DIP2C: variants seen among roughly 807,000 people sequenced by gnomAD.
DIP2C encodes DIP2 acetate--CoA ligase C (putative).
A neutral mutation model predicts 192.4 loss-of-function variants in DIP2C; 33 were observed. The observed-to-expected ratio is 0.17, with a 90% CI of 0.13 to 0.23. The LOEUF (loss-of-function observed/expected upper bound fraction) is 0.23, where lower values mean the gene tolerates loss of function less well. Among genes scored for constraint, DIP2C ranks in the 10% least tolerant of loss-of-function variants. The pLI is 1.00. For missense variants in DIP2C, 1,537 were observed against 2,110.1 expected, an observed-to-expected ratio of 0.73 and a Z score of 5.32; for synonymous variants, 979 against 864.1, an observed-to-expected ratio of 1.13 and a Z score of -2.33.
chr10:672,412 C>T (rs1332120298), intron 1 of DIP2C, among the ~76,000 whole-genome samples: 2 of 152,258 alleles, frequency 1.3e-5, no homozygotes, highest in South Asian at 2.1e-4. Context: ...TCCACTCCCA[C>T]TAGGGACTCC....
At chr10:576,031 G>T (rs1850127787) in intron 1 of DIP2C, among the ~76,000 whole-genome samples, 2 of 152,180 alleles carry the variant, frequency 1.3e-5, no homozygotes, top group Non-Finnish European at 2.9e-5. Flanking sequence ...CACACCTGTT[G>T]CCATCCAGCA....
intron 24 of DIP2C, among the ~76,000 whole-genome samples, chr10:354,207 T>G (rs1385500945): frequency 6.6e-6 from 1 of 152,236 alleles, no homozygotes; most frequent in Non-Finnish European, 1.5e-5. Context: ...AAATCACTCA[T>G]GGCTCTGATC....
intron 1 of DIP2C, among the ~76,000 whole-genome samples, chr10:547,045 G>A (rs569243914): frequency 1.1e-3 from 168 of 152,266 alleles, no homozygotes; most frequent in African/African-American, 3.1e-3. Flanking sequence ...GGTTCTGCAG[G>A]TTCATGGGAG....
At chr10:423,540 C>CCA (rs1966355294) in intron 4 of DIP2C, among the ~76,000 whole-genome samples, 1 of 151,964 alleles carries the variant, frequency 6.6e-6, no homozygotes, top group South Asian at 2.1e-4. Context: ...TGTTAGACAC[C>CCA]CATGCAGCTG....
chr10:537,581 C>A (rs953231378), intron 1 of DIP2C, among the ~76,000 whole-genome samples: 23 of 151,726 alleles, frequency 1.5e-4, no homozygotes, highest in Non-Finnish European at 3.1e-4. Context: ...CTCCCCCGCA[C>A]ACTTGTGCCC....
intron 28 of DIP2C, among the ~76,000 whole-genome samples, chr10:344,344 G>A (rs965307549): frequency 6.7e-5 from 10 of 150,156 alleles, no homozygotes; most frequent in Non-Finnish European, 1.3e-4. Flanking sequence ...ACCCACAGAT[G>A]GGGGCAGACG....
At position 327,181 on chromosome 10, in the gene DIP2C, AGAT is replaced by A. The variant is rs2132443751; in HGVS notation, c.3754-8_3754-6del. The A allele has an allele frequency of 1.2e-6, 2 of 1,612,150 alleles. No individual in the cohort carries two copies. Among genetic ancestry groups the A allele is most frequent in the East Asian group, 2.2e-5 (1 of 44,864 alleles). ...GGACAAGTCCAGCCCTCGCGCCTGGAGATGATGACAGAGAAACCGAGTCAGCCC... is the reference window on the plus strand; with the variant it reads ...GGACAAGTCCAGCCCTCGCGCCTGGAGATGACAGAGAAACCGAGTCAGCCC... On this transcript the variant is annotated splice_region_variant and splice_polypyrimidine_tract_variant and intron_variant, in intron 30 of 36. Transcript: ENST00000280886.
intron 22 of DIP2C, among the ~76,000 whole-genome samples, chr10:361,432 C>T (rs1026302433): frequency 6.6e-5 from 10 of 152,130 alleles, no homozygotes; most frequent in African/African-American, 1.9e-4. Context: ...CTGGGCTTCT[C>T]GACATTTGGC....
intron 31 of DIP2C, among the ~76,000 whole-genome samples, chr10:312,468 C>T (rs775167441): frequency 3.3e-5 from 5 of 152,128 alleles, no homozygotes; most frequent in Admixed American, 1.3e-4. Context: ...AACCCCATGA[C>T]GGCAACAGGC....
intron 1 of DIP2C, among the ~76,000 whole-genome samples, chr10:493,938 C>T (rs915012710): frequency 2.0e-5 from 3 of 152,232 alleles, no homozygotes; most frequent in Non-Finnish European, 4.4e-5. Context: ...CGTCCTACCT[C>T]CAACTACAGG....
At chr10:372,692 C>G (rs1309883598) in intron 17 of DIP2C, among the ~76,000 whole-genome samples, 1 of 149,326 alleles carries the variant, frequency 6.7e-6, no homozygotes, top group Non-Finnish European at 1.5e-5. Flanking sequence ...GAGGTCCCGA[C>G]ACACAGCCAG....
intron 26 of DIP2C, among the ~76,000 whole-genome samples, chr10:347,337 G>A (rs1272105300): frequency 3.7e-5 from 4 of 106,882 alleles, no homozygotes; most frequent in Non-Finnish European, 7.1e-5. Flanking sequence ...TAGTTCTCCC[G>A]GAAACGTCAC....
intron 1 of DIP2C, among the ~76,000 whole-genome samples, chr10:686,395 C>T (rs1269090139): frequency 6.6e-6 from 1 of 152,034 alleles, no homozygotes; most frequent in Admixed American, 6.5e-5. Flanking sequence ...GAGGGGCCTC[C>T]GCACCCTCAT....
chr10:525,633 T>G (rs1847003893), intron 1 of DIP2C, among the ~76,000 whole-genome samples: 2 of 152,216 alleles, frequency 1.3e-5, no homozygotes, highest in African/African-American at 4.8e-5. Flanking sequence ...AACCTCCTGC[T>G]TGCCCACTGA....
intron 28 of DIP2C, among the ~76,000 whole-genome samples, chr10:342,163 CTTTT>C (rs943038790): frequency 4.2e-4 from 62 of 149,028 alleles, no homozygotes; most frequent in African/African-American, 2.5e-4. Flanking sequence ...CACTCTCTCT[CTTTT>C]TTTTTTTTTG....
chr10:359,244 G>T (rs2132700712), intron 22 of DIP2C, among the ~76,000 whole-genome samples: 1 of 152,344 alleles, frequency 6.6e-6, no homozygotes, highest in South Asian at 2.1e-4. Context: ...CCTCTAGCCG[G>T]CCCCCAGGGA....
At chr10:330,477 T>C (rs1047947269) in intron 29 of DIP2C, among the ~76,000 whole-genome samples, 1 of 152,128 alleles carries the variant, frequency 6.6e-6, no homozygotes, top group African/African-American at 2.4e-5. Context: ...AAATAAAATA[T>C]CCTAGATAAA....
chr10:328,104 G>A (rs1040452236), intron 30 of DIP2C, among the ~76,000 whole-genome samples: 3 of 152,244 alleles, frequency 2.0e-5, no homozygotes, highest in Non-Finnish European at 2.9e-5. Context: ...AGGCAGCCTC[G>A]GCACACGGAC....
intron 1 of DIP2C, among the ~76,000 whole-genome samples, chr10:685,215 C>T (rs1029143112): frequency 1.4e-4 from 18 of 132,186 alleles, no homozygotes; most frequent in African/African-American, 3.5e-4. Context: ...TATAAACACA[C>T]GCACACAGGT....
Sources: gnomAD v4.1 joint callset for allele counts (sites outside exome capture counted in the v4.1 genomes callset) on GRCh38, gnomAD v4.1.1 for gene constraint, MANE v1.5 for transcripts, NCBI Gene and HGNC (gene_info 2026-07-23, HGNC 2026-07-21) for gene names.